The following PTPRD variants were observed in gnomAD, a reference collection of about 807,000 sequenced individuals.
The protein encoded by PTPRD is protein tyrosine phosphatase receptor type D.
A neutral mutation model predicts 214.5 loss-of-function variants in PTPRD; 34 were observed. The observed-to-expected ratio is 0.16, with a 90% CI of 0.12 to 0.21. The LOEUF (loss-of-function observed/expected upper bound fraction) is 0.21, where lower values mean the gene tolerates loss of function less well. Among genes scored for constraint, PTPRD ranks in the 10% least tolerant of loss-of-function variants. PTPRD has a pLI of 1.00. For missense variants in PTPRD, 2,545 were observed against 2,398.7 expected (o/e 1.06, Z -1.27); for synonymous variants, 1,128 against 845.7 (o/e 1.33, Z -5.79).
At chr9:9,299,629 C>A (rs1052912588) in intron 9 of PTPRD, among the ~76,000 whole-genome samples, 3 of 151,766 alleles carry the variant, frequency 2.0e-5, no homozygotes, top group Non-Finnish European at 4.4e-5. Context: ...GTCATCCATA[C>A]ACATCTTAAT....
chr9:9,914,303 C>G (rs73402621), intron 5 of PTPRD, among the ~76,000 whole-genome samples: 5,726 of 152,236 alleles, frequency 0.038, 342 homozygotes, highest in African/African-American at 0.13. Flanking sequence ...CTGCAGTCAG[C>G]GTTTGAGAAA....
intron 7 of PTPRD, among the ~76,000 whole-genome samples, chr9:9,685,850 T>G (rs10816163): frequency 6.6e-6 from 1 of 151,298 alleles, no homozygotes; most frequent in South Asian, 2.1e-4. Context: ...CATTATTATA[T>G]ACCAGTAACT....
chr9:9,275,162 T>TAA (rs1257536845), intron 9 of PTPRD, among the ~76,000 whole-genome samples: 2 of 51,388 alleles, frequency 3.9e-5, no homozygotes, highest in Non-Finnish European at 6.3e-5. Flanking sequence ...ATTATATATA[T>TAA]AACATATATA....
intron 4 of PTPRD, among the ~76,000 whole-genome samples, chr9:10,018,391 G>T (rs1055276129): frequency 6.6e-5 from 10 of 152,016 alleles, no homozygotes; most frequent in Non-Finnish European, 1.5e-4. Flanking sequence ...GCTTTCTTAA[G>T]TGTCTAGATC....
intron 8 of PTPRD, among the ~76,000 whole-genome samples, chr9:9,491,108 C>T (rs1394965477): frequency 6.6e-6 from 1 of 151,738 alleles, no homozygotes; most frequent in Non-Finnish European, 1.5e-5. Flanking sequence ...TGGAAAAAAA[C>T]ATTTCATGCA....
At chr9:10,030,228 G>A (rs1393246758) in intron 4 of PTPRD, among the ~76,000 whole-genome samples, 2 of 152,064 alleles carry the variant, frequency 1.3e-5, no homozygotes, top group African/African-American at 2.4e-5. Context: ...AAGGTTTTTC[G>A]AGTTAAATGA....
chr9:9,153,057 C>T (rs1296103653), intron 10 of PTPRD, among the ~76,000 whole-genome samples: 2 of 152,160 alleles, frequency 1.3e-5, no homozygotes, highest in Non-Finnish European at 1.5e-5. Flanking sequence ...GCTTCTCTTG[C>T]AATTCTCATG....
At chr9:9,070,360 A>G (rs539064962) in intron 10 of PTPRD, among the ~76,000 whole-genome samples, 1 of 152,192 alleles carries the variant, frequency 6.6e-6, no homozygotes, top group East Asian at 1.9e-4. Flanking sequence ...AATATAGAAA[A>G]ACAGTTATAA....
At chr9:8,903,929 C>G (rs1587746781) in intron 11 of PTPRD, among the ~76,000 whole-genome samples, 2 of 152,150 alleles carry the variant, frequency 1.3e-5, no homozygotes, top group African/African-American at 2.4e-5. Context: ...AAGGCAGTGT[C>G]TCATAGTAGA....
intron 3 of PTPRD, among the ~76,000 whole-genome samples, chr9:10,296,522 G>A (rs1417987407): frequency 6.6e-6 from 1 of 152,032 alleles, no homozygotes; most frequent in Non-Finnish European, 1.5e-5. Flanking sequence ...ACTCGAGTCA[G>A]TTATGGATCT....
At chr9:8,814,445 G>A (rs535363126) in intron 11 of PTPRD, among the ~76,000 whole-genome samples, 11 of 152,196 alleles carry the variant, frequency 7.2e-5, no homozygotes, top group African/African-American at 2.2e-4. Flanking sequence ...AACCAGGGGC[G>A]GCTGCAAACC....
intron 11 of PTPRD, among the ~76,000 whole-genome samples, chr9:8,857,103 G>C (rs1248741579): frequency 6.6e-6 from 1 of 152,116 alleles, no homozygotes; most frequent in Non-Finnish European, 1.5e-5. Flanking sequence ...CCACGGGAAG[G>C]TCTCCCAAAC....
chr9:8,442,562 A>G (rs541385606), intron 34 of PTPRD, among the ~76,000 whole-genome samples: 22 of 152,190 alleles, frequency 1.4e-4, no homozygotes, highest in Non-Finnish European at 2.6e-4. Context: ...TTATGGACCA[A>G]AGAGAAGCTA....
intron 12 of PTPRD, among the ~76,000 whole-genome samples, chr9:8,699,435 TC>T (rs1555167464): frequency 6.6e-6 from 1 of 152,192 alleles, no homozygotes; most frequent in African/African-American, 2.4e-5. Context: ...AGGACATTTT[TC>T]CCCCATATCC....
At chr9:10,053,357 G>C (rs2097567288) in intron 3 of PTPRD, among the ~76,000 whole-genome samples, 3 of 152,272 alleles carry the variant, frequency 2.0e-5, no homozygotes, top group East Asian at 1.9e-4. Flanking sequence ...AGATGAGGTA[G>C]TCTGAGTTTT....
At chr9:9,234,312 A>C (rs2099965143) in intron 9 of PTPRD, among the ~76,000 whole-genome samples, 1 of 152,200 alleles carries the variant, frequency 6.6e-6, no homozygotes, top group Non-Finnish European at 1.5e-5. Context: ...ACTGGGGCAC[A>C]GGGCACCATG....
At chr9:9,970,373 C>T (rs1157228544) in intron 4 of PTPRD, among the ~76,000 whole-genome samples, 1 of 146,232 alleles carries the variant, frequency 6.8e-6, no homozygotes, top group East Asian at 2.0e-4. Context: ...TGGCGTGAAC[C>T]CGGGAGGCGG....
At chr9:9,379,588 T>C (rs970066884) in intron 9 of PTPRD, among the ~76,000 whole-genome samples, 4 of 152,066 alleles carry the variant, frequency 2.6e-5, no homozygotes, top group Admixed American at 6.6e-5. Flanking sequence ...TTCTGAAATT[T>C]TGATTGGGAT....
chr9:10,585,324 A>G (rs989333071), intron 2 of PTPRD, among the ~76,000 whole-genome samples: 4 of 152,076 alleles, frequency 2.6e-5, no homozygotes, highest in Non-Finnish European at 4.4e-5. Context: ...ATGAAAGCCC[A>G]TATTTAGATA....
Sources: allele counts gnomAD v4.1 joint callset (sites outside exome capture counted in the v4.1 genomes callset), GRCh38; gene constraint gnomAD v4.1.1; transcripts MANE v1.5; gene names NCBI Gene and HGNC (gene_info 2026-07-23, HGNC 2026-07-21).